The following EPHA8 variants were observed in gnomAD, a reference collection of about 807,000 sequenced individuals.
EPHA8 encodes the protein ephrin type-A receptor 8.
EPHA8 carries 58 observed loss-of-function variants against 103.6 expected under a neutral mutation model. The observed-to-expected ratio is 0.56, with a 90% CI of 0.45 to 0.70. EPHA8 has a LOEUF of 0.70. EPHA8 is among the 30% of genes least tolerant of loss of function. The pLI, the probability that EPHA8 is intolerant of heterozygous loss-of-function variation, is 0.00. For synonymous variants in EPHA8, 559 were observed against 572.5 expected (o/e 0.98, Z 0.34); for missense variants, 1,304 against 1,395.2 (o/e 0.93, Z 1.04).
chr1:22,592,370 G>C (rs1444642750), intron 5 of EPHA8, among the ~76,000 whole-genome samples: 1 of 152,066 alleles, frequency 6.6e-6, no homozygotes, highest in East Asian at 1.9e-4. Flanking sequence ...TTTATAGAAG[G>C]GGACCTGGTG....
chr1:22,577,948 A>T (rs78014485), intron 3 of EPHA8, among the ~76,000 whole-genome samples: 23 of 2,404 alleles, frequency 9.6e-3, no homozygotes, highest in East Asian at 0.045. Context: ...TATGTGTGCG[A>T]GTGTATGCAT....
intron 3 of EPHA8, among the ~76,000 whole-genome samples, chr1:22,578,203 C>G (rs938135081): frequency 1.3e-5 from 1 of 77,098 alleles, no homozygotes; most frequent in Non-Finnish European, 3.4e-5. Context: ...TGTGTGCGTG[C>G]GAGTGTGTGC....
Position 22,597,770 on chromosome 1 carries a change from G to A in EPHA8, c.2025G>A (p.Glu675=), listed in dbSNP as rs373953943. The change falls in exon 11 of 17, where the codon GAG becomes GAA. Residue 675 remains glutamate, a synonymous_variant. Transcript: ENST00000166244. This position sits in a 1 kb window ranked among gnomAD's most constrained non-coding sequence, Gnocchi z 4.6. ...AIKALKAGYT[E]RQRRDFLSEA... The stretch of plus-strand genomic sequence containing the variant: ...AGGCCCTCAAAGCCGGCTACACGGA[G>A]AGACAGAGGCGGGACTTCCTGAGCG... The A allele has an allele frequency of 3.1e-6, 5 of 1,613,144 alleles. No homozygotes were observed. Among genetic ancestry groups the A allele is most frequent in the Non-Finnish European group, 4.2e-6 (5 of 1,180,008 alleles).
rs201432613 is a variant in EPHA8, at chr1:22,586,616, G to A, written c.960G>A (p.Pro320=). 1.3e-5 allele frequency: 21 copies of A among 1,613,838 alleles called. No individual in the cohort carries two copies. The highest frequency in any genetic ancestry group is 8.3e-5 in the Admixed American group (5 of 60,014). Residue 320 remains proline, a synonymous_variant, in exon 4 of 17, where the codon CCG becomes CCA. Coordinates refer to ENST00000166244, the MANE Select transcript of EPHA8 (RefSeq NM_020526.5). ...GCTACTACCGTGCAGCCCTGGACCC[G>A]CCGTCCTCAGCCTGCACCCGTGAGT... ...DLSYYRAALD[P]PSSACTRPPS...
Position 22,597,249 on chromosome 1 carries a change from G to T in EPHA8, c.1766-63G>T, listed in dbSNP as rs202086660. On this transcript the variant is annotated intron_variant, in intron 9 of 16. Transcript: ENST00000166244. The surrounding 1 kb of genome is among the most constrained non-coding windows in gnomAD (Gnocchi z 4.6). ...CCACCCCAGACCCATCCCAGGCCCA[G>T]GGAATGTCAGGAAAAAGCAATCTCT... is the stretch of plus-strand genomic sequence containing the variant. 1 of 1,330,680 alleles carries T rather than the reference G, an allele frequency of 7.5e-7. No individual in the cohort carries two copies. The highest frequency in any genetic ancestry group is 1.0e-6 in the Non-Finnish European group (1 of 969,792). The allele number at this position is 1,330,680 out of a possible 1,614,324, so 82.4% of individuals were successfully genotyped here.
At position 22,580,017 on chromosome 1, in the gene EPHA8, G is replaced by C. The variant is rs114696839; in HGVS notation, c.823+3137G>C. 6.5e-3 allele frequency among the ~76,000 whole-genome samples: 981 copies of C among 152,076 alleles called. 8 individuals are homozygous for C. The highest frequency in any genetic ancestry group is 0.025 in the East Asian group (129 of 5,164). ...AACAGGTGGGGATGGAGTCCAGCTG[G>C]CTCCACTTAGGAGCCGTCTTGCCCA... On this transcript the variant is annotated intron_variant, in intron 3 of 16. Transcript: ENST00000166244.
chr1:22,578,870 C>T (rs10917254), intron 3 of EPHA8, among the ~76,000 whole-genome samples: 37,642 of 123,684 alleles, frequency 0.3, 4,977 homozygotes, highest in African/African-American at 0.5. Flanking sequence ...TGTATATGCA[C>T]GTGTCCGTGT....
In EPHA8 at chr1:22,596,339, G is replaced by A. The variant is rs114791993; in HGVS notation, c.1765+166G>A. On this transcript the variant is annotated intron_variant, in intron 9 of 16. Coordinates refer to ENST00000166244, the MANE Select transcript of EPHA8 (RefSeq NM_020526.5). ...CAGAGACCTGGTGCCCCAGAGGGCA[G>A]CGCCGTTCATGCCTCCTGGACTCTC... Among the ~76,000 whole-genome samples the A allele has an allele frequency of 9.7e-3, 1,477 of 152,334 alleles. 38 individuals carry two copies. The highest frequency in any genetic ancestry group is 0.033 in the African/African-American group (1,392 of 41,572).
At chr1:22,592,537 C>A (rs909934519) in intron 5 of EPHA8, among the ~76,000 whole-genome samples, 13 of 152,216 alleles carry the variant, frequency 8.5e-5, no homozygotes, top group East Asian at 1.9e-4. Context: ...ATGCCAGAAT[C>A]CTCAGCAGCA....
Position 22,598,742 on chromosome 1 carries a change from T to C in EPHA8, c.2179-96T>C. 2 of 1,293,306 alleles carry C rather than the reference T, an allele frequency of 1.5e-6. No homozygotes were observed. Among genetic ancestry groups the C allele is most frequent in the Non-Finnish European group, 2.2e-6 (2 of 929,202 alleles). The allele number at this position is 1,293,306 out of a possible 1,614,324, so 80.1% of individuals were successfully genotyped here. On this transcript the variant is annotated intron_variant, in intron 12 of 16. Transcript: ENST00000166244. This position sits in a 1 kb window ranked among gnomAD's most constrained non-coding sequence, Gnocchi z 5.1. ...ACTTGGCAAATTGCAAAGCACCGTCTCAACTCGAGAGCATCCTACAGATGG... is the reference window on the plus strand; with the variant it reads ...ACTTGGCAAATTGCAAAGCACCGTCCCAACTCGAGAGCATCCTACAGATGG...
chr1:22,600,174 AAG>A (rs1641677953), intron 13 of EPHA8, among the ~76,000 whole-genome samples: 1 of 112,948 alleles, frequency 8.9e-6, no homozygotes, highest in Non-Finnish European at 1.8e-5. Flanking sequence ...GGCAGGAAGG[AAG>A]GAAAGAAGGA....
At chr1:22,565,317 C>T (rs769254292) in intron 1 of EPHA8, among the ~76,000 whole-genome samples, 11 of 151,980 alleles carry the variant, frequency 7.2e-5, no homozygotes, top group Non-Finnish European at 1.2e-4. Context: ...GCAGGGTGGC[C>T]GAGAAGTGAG....
chr1:22,595,841 C>T (rs143643756), intron 8 of EPHA8, among the ~76,000 whole-genome samples: 23 of 152,356 alleles, frequency 1.5e-4, no homozygotes, highest in Non-Finnish European at 2.6e-4. Flanking sequence ...GGGCTAACAG[C>T]ATTGTAGACT....
At chr1:22,594,989 G>A (rs1277750813) in intron 7 of EPHA8, among the ~76,000 whole-genome samples, 2 of 152,216 alleles carry the variant, frequency 1.3e-5, no homozygotes, top group Admixed American at 1.3e-4. Context: ...ACAAGAAGCA[G>A]CGGCACCAGC....
rs1287779178 is a variant in EPHA8, at chr1:22,600,807, G to A, written c.2535G>A (p.Arg845=). 2 of 1,605,430 alleles carry A rather than the reference G, an allele frequency of 1.2e-6. No individual in the cohort carries two copies. Among genetic ancestry groups the A allele is most frequent in the African/African-American group, 1.3e-5 (1 of 74,792 alleles). Residue 845 remains arginine, a synonymous_variant, in exon 14 of 17, where the codon CGG becomes CGA. Transcript: ENST00000166244. The part of the protein sequence containing the change: ...GERPYWNMTN[R]DVISSVEEGY... ...GGCCCTACTGGAACATGACCAACCG[G>A]GATGTGAGTGCCAAGCCCTGGCAGG...
chr1:22,577,281 C>T (rs960846732), intron 3 of EPHA8, among the ~76,000 whole-genome samples: 10 of 152,168 alleles, frequency 6.6e-5, no homozygotes, highest in African/African-American at 2.4e-4. Flanking sequence ...GAATCCTGGC[C>T]ACTACACTAT....
intron 2 of EPHA8, among the ~76,000 whole-genome samples, chr1:22,575,493 C>T (rs147251085): frequency 0.01 from 1,588 of 152,278 alleles, 45 homozygotes; most frequent in African/African-American, 0.036. Flanking sequence ...GGATATTAAT[C>T]CCTTATCAGC....
chr1:22,593,376 G>T lies in EPHA8; in HGVS notation c.1366G>T (p.Val456Phe). ...IRQERAGQTS[V>F]SLLWQEPEQP... ...TCAAGAGCGGGCGGGGCAGACCAGC[G>T]TCTCGCTGCTGTGGCAGGAGCCCGA... Residue 456 changes from valine to phenylalanine, a missense_variant, in exon 6 of 17, where the codon GTC (valine) becomes TTC (phenylalanine). Transcript: ENST00000166244. 1.9e-6 allele frequency: 3 copies of T among 1,592,338 alleles called. No individual in the cohort carries two copies. Among genetic ancestry groups the T allele is most frequent in the South Asian group, 1.1e-5 (1 of 87,848 alleles).
At chr1:22,587,336 G>A (rs984366443) in intron 4 of EPHA8, among the ~76,000 whole-genome samples, 1 of 152,212 alleles carries the variant, frequency 6.6e-6, no homozygotes, top group Non-Finnish European at 1.5e-5. Flanking sequence ...GGTACCTGAA[G>A]GGGACTCAGA....
Sources: allele counts gnomAD v4.1 joint callset (sites outside exome capture counted in the v4.1 genomes callset), GRCh38; gene constraint gnomAD v4.1.1; non-coding constraint Gnocchi (gnomAD v3.1); transcripts MANE v1.5; gene names NCBI Gene and HGNC (gene_info 2026-07-23, HGNC 2026-07-21).